Variants in ZBTB20 observed in about 807,000 individuals in gnomAD.
ZBTB20 encodes the protein zinc finger and BTB domain-containing protein 20.
A neutral mutation model predicts 56.9 loss-of-function variants in ZBTB20; 9 were observed. The ratio of observed to expected loss-of-function variants is 0.16; its 90% CI spans 0.10 to 0.28. The LOEUF (loss-of-function observed/expected upper bound fraction) is 0.28. ZBTB20 is among the 10% of genes least tolerant of loss of function. The pLI is 1.00. For synonymous variants in ZBTB20, 417 were observed against 420.7 expected (o/e 0.99, Z 0.11); for missense variants, 655 against 1,003.0 (o/e 0.65, Z 4.69).
At chr3:115,042,907 A>G (rs1374478701) in intron 2 of ZBTB20, among the ~76,000 whole-genome samples, 1 of 152,234 alleles carries the variant, frequency 6.6e-6, no homozygotes, top group Non-Finnish European at 1.5e-5. Flanking sequence ...CAAAGAAGAA[A>G]GGGGACTAAT....
At chr3:114,951,549 G>C (rs911110665) in intron 3 of ZBTB20, among the ~76,000 whole-genome samples, 1 of 152,052 alleles carries the variant, frequency 6.6e-6, no homozygotes, top group Admixed American at 6.6e-5. Flanking sequence ...TTGTTCACTG[G>C]TATACACACA....
chr3:114,478,802 T>C (rs896387540), intron 7 of ZBTB20, among the ~76,000 whole-genome samples: 2 of 152,134 alleles, frequency 1.3e-5, no homozygotes, highest in Non-Finnish European at 2.9e-5. Flanking sequence ...AATTAAGTCA[T>C]AGAAGGTCAC....
At position 114,645,250 on chromosome 3, in the gene ZBTB20, ATCTATTTACAGAAATTTTCT is replaced by A. The variant is rs554904853; in HGVS notation, c.-295+48258_-295+48277del. ...GTTCATATATTTTTGTGTAAATTAT[ATCTATTTACAGAAATTTTCT>A]TTACTACCAACTGTTCTCAAACCCA... On this transcript the variant is annotated intron_variant, in intron 6 of 11. Transcript: ENST00000675478. 4.6e-5 allele frequency among the ~76,000 whole-genome samples: 7 copies of A among 152,258 alleles called. No homozygotes were observed. The South Asian group carries it at 1.4e-3, about 32-fold the overall frequency.
intron 4 of ZBTB20, among the ~76,000 whole-genome samples, chr3:114,884,205 G>A (rs1003007806): frequency 9.9e-5 from 15 of 151,976 alleles, no homozygotes; most frequent in African/African-American, 3.1e-4. Context: ...GATTACAGGC[G>A]TGAGCCACCG....
chr3:114,766,430 G>T (rs1037586124), intron 5 of ZBTB20, among the ~76,000 whole-genome samples: 12 of 151,532 alleles, frequency 7.9e-5, no homozygotes, highest in Non-Finnish European at 1.3e-4. Flanking sequence ...AAATGCTTTT[G>T]CATGAATAAG....
At chr3:114,877,515 T>C (rs2076244312) in intron 4 of ZBTB20, among the ~76,000 whole-genome samples, 1 of 152,202 alleles carries the variant, frequency 6.6e-6, no homozygotes. Flanking sequence ...ATTCATTTAA[T>C]TCAAGAAGGA....
intron 7 of ZBTB20, among the ~76,000 whole-genome samples, chr3:114,475,532 T>C (rs1265583367): frequency 2.0e-5 from 3 of 152,188 alleles, no homozygotes; most frequent in African/African-American, 7.2e-5. Flanking sequence ...CAAAACATGT[T>C]TTTTTGTTTT....
intron 10 of ZBTB20, among the ~76,000 whole-genome samples, chr3:114,361,661 G>C (rs1270468177): frequency 6.6e-6 from 1 of 152,192 alleles, no homozygotes; most frequent in Non-Finnish European, 1.5e-5. Flanking sequence ...CCCAGAATGG[G>C]TAAGGAGAGT....
intron 7 of ZBTB20, among the ~76,000 whole-genome samples, chr3:114,490,230 T>C (rs943595289): frequency 2.6e-5 from 4 of 152,142 alleles, no homozygotes; most frequent in African/African-American, 4.8e-5. Flanking sequence ...TATTGATTGA[T>C]TGATTTTTTG....
intron 7 of ZBTB20, among the ~76,000 whole-genome samples, chr3:114,493,659 C>T (rs539906069): frequency 6.6e-6 from 1 of 152,254 alleles, no homozygotes; most frequent in East Asian, 1.9e-4. Flanking sequence ...TTGTTTTTAA[C>T]CTTCAGGTGT....
At chr3:114,787,493 T>C (rs2070644401) in intron 5 of ZBTB20, among the ~76,000 whole-genome samples, 1 of 151,214 alleles carries the variant, frequency 6.6e-6, no homozygotes, top group African/African-American at 2.4e-5. Flanking sequence ...CACGTATACA[T>C]ATATATCCAT....
chr3:114,891,343 T>C (rs962123517), intron 4 of ZBTB20, among the ~76,000 whole-genome samples: 10 of 152,228 alleles, frequency 6.6e-5, no homozygotes, highest in African/African-American at 2.2e-4. Context: ...AGCATGCAAT[T>C]TGACACTGAG....
chr3:114,356,939 C>G (rs1004662341), intron 10 of ZBTB20, among the ~76,000 whole-genome samples: 1 of 152,160 alleles, frequency 6.6e-6, no homozygotes, highest in East Asian at 1.9e-4. Context: ...GCTGGGAGCA[C>G]TGGAGAAATC....
chr3:114,972,601 G>A (rs2077931135), intron 3 of ZBTB20, among the ~76,000 whole-genome samples: 1 of 151,826 alleles, frequency 6.6e-6, no homozygotes, highest in Admixed American at 6.6e-5. Flanking sequence ...CAAGAAAAAA[G>A]GAAGTTACCA....
chr3:114,854,571 G>A (rs916906600), intron 4 of ZBTB20, among the ~76,000 whole-genome samples: 1 of 152,192 alleles, frequency 6.6e-6, no homozygotes, highest in African/African-American at 2.4e-5. Context: ...GTAATGAAAA[G>A]AGAAAGCAGC....
chr3:114,797,863 G>A (rs2071429021), intron 5 of ZBTB20, among the ~76,000 whole-genome samples: 1 of 151,832 alleles, frequency 6.6e-6, no homozygotes, highest in African/African-American at 2.4e-5. Flanking sequence ...GTGGAGAGAG[G>A]GAAGACCTGG....
At chr3:114,544,599 G>A (rs556734702) in intron 6 of ZBTB20, among the ~76,000 whole-genome samples, 2 of 151,422 alleles carry the variant, frequency 1.3e-5, no homozygotes, top group African/African-American at 4.9e-5. Flanking sequence ...TGCCTCCTGG[G>A]CCCAAGTGAT....
At chr3:114,389,885 C>T (rs1312672741) in intron 7 of ZBTB20, among the ~76,000 whole-genome samples, 3 of 44,842 alleles carry the variant, frequency 6.7e-5, no homozygotes, top group African/African-American at 1.8e-4. Flanking sequence ...AAGAGTCCAT[C>T]TCAAAAAAAA....
chr3:114,466,711 A>C (rs1260132137), intron 7 of ZBTB20, among the ~76,000 whole-genome samples: 4 of 152,186 alleles, frequency 2.6e-5, no homozygotes, highest in African/African-American at 4.8e-5. Context: ...TCAATACATA[A>C]ATCCAATTTA....
Sources: allele counts gnomAD v4.1 joint callset (sites outside exome capture counted in the v4.1 genomes callset), GRCh38; gene constraint gnomAD v4.1.1; transcripts MANE v1.5; gene names NCBI Gene and HGNC (gene_info 2026-07-23, HGNC 2026-07-21).